COBL: variants seen among roughly 807,000 people sequenced by gnomAD.
COBL encodes protein cordon-bleu.
COBL carries 51 observed loss-of-function variants against 98.8 expected under a neutral mutation model. The observed-to-expected ratio is 0.52, with a 90% CI of 0.41 to 0.65. The LOEUF (loss-of-function observed/expected upper bound fraction) is 0.65, where lower values mean the gene tolerates loss of function less well. Among genes scored for constraint, COBL ranks in the 30% least tolerant of loss-of-function variants. The probability of loss-of-function intolerance (pLI) is 0.00; values close to 1 mark genes in which losing one functional copy is unlikely to be tolerated. For synonymous variants in COBL, 634 were observed against 651.7 expected, an observed-to-expected ratio of 0.97 and a Z score of 0.41; for missense variants, 1,617 against 1,617.5, an observed-to-expected ratio of 1.00 and a Z score of 0.01.
chr7:51,315,662 A>C (rs1453551372), intron 1 of COBL, among the ~76,000 whole-genome samples: 1 of 152,168 alleles, frequency 6.6e-6, no homozygotes, highest in Admixed American at 6.5e-5. Context: ...TGAAAACTAC[A>C]AAGTCCACCG....
At chr7:51,250,971 G>T (rs1796682953) in intron 1 of COBL, among the ~76,000 whole-genome samples, 1 of 152,140 alleles carries the variant, frequency 6.6e-6, no homozygotes, top group African/African-American at 2.4e-5. Flanking sequence ...GGTATTACTT[G>T]TTATATTTTA....
In COBL at chr7:51,316,663, T is replaced by C; in HGVS notation, c.-30A>G. On this transcript the variant is annotated 5_prime_UTR_variant, in exon 1 of 13. Transcript: ENST00000265136. ...CCGGGGGCCGGGACGCGGGCGGTGC[T>C]CCGGGCCCGCCGAGTCAGGCGCTGG... is the stretch of plus-strand genomic sequence containing the variant. 8.4e-7 allele frequency: 1 copy of C among 1,190,986 alleles called. No homozygotes were observed. The highest frequency in any genetic ancestry group is 1.6e-5 in the African/African-American group (1 of 62,656). The allele number at this position is 1,190,986 out of a possible 1,614,324, so 73.8% of individuals were successfully genotyped here.
intron 7 of COBL, among the ~76,000 whole-genome samples, chr7:51,075,731 G>T (rs1793008617): frequency 6.6e-6 from 1 of 152,130 alleles, no homozygotes; most frequent in African/African-American, 2.4e-5. Flanking sequence ...GTAAATAAAA[G>T]ACTAAGAAGT....
intron 5 of COBL, among the ~76,000 whole-genome samples, chr7:51,148,725 C>T (rs771805649): frequency 2.6e-5 from 4 of 152,122 alleles, no homozygotes; most frequent in Non-Finnish European, 5.9e-5. Flanking sequence ...TGTCTGAGAT[C>T]CACTCCCCTG....
intron 8 of COBL, chr7:51,032,076 G>A (rs573232404): frequency 4.6e-5 from 7 of 152,324 alleles, no homozygotes; most frequent in African/African-American, 1.4e-4. Context: ...TGTTGTCACT[G>A]TTGTACAGTG....
intron 5 of COBL, among the ~76,000 whole-genome samples, chr7:51,168,414 T>C (rs1089284): frequency 6.7e-6 from 1 of 150,060 alleles, no homozygotes; most frequent in Non-Finnish European, 1.5e-5. Context: ...CCAGCACCAG[T>C]GACAGAGCGA....
intron 5 of COBL, among the ~76,000 whole-genome samples, chr7:51,159,452 G>A (rs1032802544): frequency 6.6e-6 from 1 of 152,266 alleles, no homozygotes; most frequent in Non-Finnish European, 1.5e-5. Flanking sequence ...GAGGGACAGA[G>A]AGCTCTGCTT....
chr7:51,231,270 A>C (rs1794721118), intron 1 of COBL, among the ~76,000 whole-genome samples: 2 of 152,212 alleles, frequency 1.3e-5, no homozygotes, highest in Admixed American at 1.3e-4. Context: ...AGTGCAGAGG[A>C]AACCCCAGTG....
intron 6 of COBL, among the ~76,000 whole-genome samples, chr7:51,109,831 C>G (rs908862733): frequency 6.6e-6 from 1 of 152,160 alleles, no homozygotes; most frequent in African/African-American, 2.4e-5. Flanking sequence ...CCACCTTCCA[C>G]AGAAACGAAA....
chr7:51,188,279 G>T (rs1045966222), intron 4 of COBL, among the ~76,000 whole-genome samples: 2 of 152,260 alleles, frequency 1.3e-5, no homozygotes, highest in African/African-American at 4.8e-5. Context: ...TTCTCCAGCA[G>T]TGGTAGGGCT....
chr7:51,288,210 G>A (rs971534041), intron 1 of COBL, among the ~76,000 whole-genome samples: 4 of 151,944 alleles, frequency 2.6e-5, no homozygotes, highest in Non-Finnish European at 5.9e-5. Context: ...GAGGCGGGTG[G>A]ATCACCTGAG....
At chr7:51,243,525 A>G (rs1393870456) in intron 1 of COBL, among the ~76,000 whole-genome samples, 2 of 152,248 alleles carry the variant, frequency 1.3e-5, no homozygotes, top group Non-Finnish European at 2.9e-5. Context: ...TGTGGGGATC[A>G]TGGTGAACAG....
intron 1 of COBL, among the ~76,000 whole-genome samples, chr7:51,252,925 T>C (rs1469587158): frequency 1.3e-5 from 2 of 152,178 alleles, no homozygotes; most frequent in African/African-American, 4.8e-5. Context: ...TGATGATTTT[T>C]AAAATGCATA....
chr7:51,158,867 AGACAGGGAAGGCGTGGGG>A (rs1037777497), intron 5 of COBL, among the ~76,000 whole-genome samples: 5 of 151,662 alleles, frequency 3.3e-5, no homozygotes, highest in African/African-American at 4.8e-5. Flanking sequence ...ACGGGGTGGG[AGACAGGGAAGGCGTGGGG>A]GACAGGGAAG....
At chr7:51,212,901 C>T (rs1453606523) in intron 2 of COBL, among the ~76,000 whole-genome samples, 2 of 152,194 alleles carry the variant, frequency 1.3e-5, no homozygotes, top group South Asian at 2.1e-4. Context: ...TGGAACCCCA[C>T]TTTGAGAATT....
intron 12 of COBL, among the ~76,000 whole-genome samples, chr7:51,024,059 C>G (rs1309419438): frequency 1.3e-5 from 2 of 152,148 alleles, no homozygotes; most frequent in Non-Finnish European, 2.9e-5. Flanking sequence ...CCTGTAATCC[C>G]AGCACTTTGG....
At chr7:51,224,157 G>C (rs1436140877) in intron 1 of COBL, among the ~76,000 whole-genome samples, 1 of 152,168 alleles carries the variant, frequency 6.6e-6, no homozygotes, top group Non-Finnish European at 1.5e-5. Context: ...CTACCATGTA[G>C]GTATGTGTTG....
At chr7:51,176,209 G>T (rs1396020892) in intron 5 of COBL, among the ~76,000 whole-genome samples, 1 of 152,206 alleles carries the variant, frequency 6.6e-6, no homozygotes, top group Non-Finnish European at 1.5e-5. Context: ...CCTTGGTTAA[G>T]TCGTGTTAGT....
At chr7:51,148,219 C>A (rs1024982843) in intron 5 of COBL, among the ~76,000 whole-genome samples, 5 of 152,158 alleles carry the variant, frequency 3.3e-5, no homozygotes, top group Non-Finnish European at 7.3e-5. Flanking sequence ...CGTTTGTGCA[C>A]AGGGCAGGTG....
Sources: gnomAD v4.1 joint callset for allele counts (sites outside exome capture counted in the v4.1 genomes callset) on GRCh38, gnomAD v4.1.1 for gene constraint, MANE v1.5 for transcripts, NCBI Gene and HGNC (gene_info 2026-07-23, HGNC 2026-07-21) for gene names.